ARHGEF17: variants seen among roughly 807,000 people sequenced by gnomAD.
ARHGEF17 encodes Rho guanine nucleotide exchange factor 17.
In ARHGEF17, 80 loss-of-function variants were observed where a neutral mutation model predicts 174.0. That is an observed-to-expected ratio of 0.46 (90% CI 0.38 to 0.55). ARHGEF17 has a LOEUF of 0.55. Ranked by LOEUF, ARHGEF17 falls within the 20% of genes least tolerant of loss-of-function variation. ARHGEF17 has a pLI of 0.00. For missense variants in ARHGEF17, 2,886 were observed against 2,839.7 expected, an observed-to-expected ratio of 1.02 and a Z score of -0.37; for synonymous variants, 1,311 against 1,189.1, an observed-to-expected ratio of 1.10 and a Z score of -2.11.
intron 1 of ARHGEF17, among the ~76,000 whole-genome samples, chr11:73,326,081 G>A (rs1040369430): frequency 6.6e-6 from 1 of 152,260 alleles, no homozygotes; most frequent in Non-Finnish European, 1.5e-5. Flanking sequence ...GCCCACTGGT[G>A]CCTGTATGTG....
At chr11:73,317,045 T>C (rs143835536) in intron 1 of ARHGEF17, among the ~76,000 whole-genome samples, 1 of 152,110 alleles carries the variant, frequency 6.6e-6, no homozygotes, top group African/African-American at 2.4e-5. Flanking sequence ...GGCTGGGCAG[T>C]GTGTGAGGGG....
intron 9 of ARHGEF17, among the ~76,000 whole-genome samples, chr11:73,359,525 C>A (rs1403466105): frequency 6.6e-6 from 1 of 152,262 alleles, no homozygotes; most frequent in Admixed American, 6.5e-5. Flanking sequence ...AGTTCCGTGT[C>A]AGCCAGGGCC....
intron 1 of ARHGEF17, among the ~76,000 whole-genome samples, chr11:73,329,804 A>G (rs568624072): frequency 4.1e-4 from 62 of 152,252 alleles, no homozygotes; most frequent in African/African-American, 1.4e-3. Context: ...TGCTGTTACA[A>G]ACTGCTGCAG....
Position 73,310,327 on chromosome 11 carries a change from T to A in ARHGEF17, c.1689T>A (p.Ala563=), listed in dbSNP as rs923103027. 1 of 1,613,714 alleles carries A rather than the reference T, an allele frequency of 6.2e-7. No individual in the cohort carries two copies. Among genetic ancestry groups the A allele is most frequent in the African/African-American group, 1.3e-5 (1 of 74,936 alleles). The change falls in exon 1 of 21, where the codon GCT becomes GCA. Residue 563 remains alanine (A), a synonymous_variant. Coordinates refer to ENST00000263674, the MANE Select transcript of ARHGEF17 (RefSeq NM_014786.4). ...CCCGCCGCCTGCCCCGCACCAGTGC[T>A]CTGAAGTCCAGCTCCTCCGAGCTCC... The part of the protein sequence containing the change: ...PMARRLPRTS[A]LKSSSSELLL...
chr11:73,342,335 T>C (rs542721760), intron 1 of ARHGEF17, among the ~76,000 whole-genome samples: 57 of 152,192 alleles, frequency 3.7e-4, no homozygotes, highest in Admixed American at 8.5e-4. Flanking sequence ...GAGTGATAGC[T>C]GCCCTCCTTC....
chr11:73,351,858 C>T (rs1428492281), intron 2 of ARHGEF17, among the ~76,000 whole-genome samples: 1 of 151,972 alleles, frequency 6.6e-6, no homozygotes, highest in African/African-American at 2.4e-5. Flanking sequence ...GCTGGGATTA[C>T]AGGCTTGAGC....
In ARHGEF17 at chr11:73,309,619, T is replaced by A. The variant is rs1167083277; in HGVS notation, c.981T>A (p.Pro327=). The change falls in exon 1 of 21, where the codon CCT becomes CCA. Residue 327 remains proline, a synonymous_variant. Coordinates refer to ENST00000263674, the MANE Select transcript of ARHGEF17 (RefSeq NM_014786.4). ...SMNSAGVSGS[P]EPPTSPRAPR... is the part of the protein sequence containing the mutation. ...ACTCAGCAGGGGTTTCTGGGAGCCC[T>A]GAGCCCCCAACATCTCCAAGAGCCC... is the stretch of plus-strand genomic sequence containing the variant. 1 of 1,613,072 alleles carries A rather than the reference T, an allele frequency of 6.2e-7. No individual in the cohort carries two copies. The highest frequency in any genetic ancestry group is 2.2e-5 in the East Asian group (1 of 44,878).
Position 73,309,460 on chromosome 11 carries a change from C to T in ARHGEF17, c.822C>T (p.Ser274=), listed in dbSNP as rs1367630431. Residue 274 remains serine (S), a synonymous_variant, in exon 1 of 21, where the codon TCC becomes TCT. Coordinates refer to ENST00000263674, the MANE Select transcript of ARHGEF17 (RefSeq NM_014786.4). ...AQSPAYHGGH[S]SGSDDDRDGE... ...GTCCGGCCTACCACGGCGGCCACTCCTCGGGCAGTGACGACGACCGAGACG... is the reference window on the plus strand; with the variant it reads ...GTCCGGCCTACCACGGCGGCCACTCTTCGGGCAGTGACGACGACCGAGACG... 3.9e-6 allele frequency: 6 copies of T among 1,543,202 alleles called. No individual in the cohort carries two copies. Among genetic ancestry groups the T allele is most frequent in the Non-Finnish European group, 5.2e-6 (6 of 1,143,516 alleles).
chr11:73,308,943 G>C lies in ARHGEF17; in HGVS notation c.305G>C (p.Arg102Pro). 1.5e-6 allele frequency: 2 copies of C among 1,361,176 alleles called. No homozygotes were observed. Among genetic ancestry groups the C allele is most frequent in the Non-Finnish European group, 1.9e-6 (2 of 1,062,710 alleles). The allele number at this position is 1,361,176 out of a possible 1,614,324, so 84.3% of individuals were successfully genotyped here. Residue 102 changes from arginine (R) to proline (P), a missense_variant, in exon 1 of 21, where the codon CGA (arginine) becomes CCA (proline). Physicochemically the swap from Arg to Pro is moderately radical, Grantham distance 103 (BLOSUM62 -2). This residue lies in a region of ARHGEF17 where 1,728 missense variants were observed against 1,461.2 expected (regional missense o/e 1.18). Transcript: ENST00000263674. Reference sequence around the variant, plus strand: ...CTGGACGACGGCTCCGCTGGGACCCGAGACGGAGGCGTCTTACCCGCGGCC... The same window carrying C: ...CTGGACGACGGCTCCGCTGGGACCCCAGACGGAGGCGTCTTACCCGCGGCC... ...PRLDDGSAGT[R>P]DGGVLPAAAE...
chr11:73,327,718 G>A (rs1252487855), intron 1 of ARHGEF17, among the ~76,000 whole-genome samples: 1 of 152,176 alleles, frequency 6.6e-6, no homozygotes, highest in East Asian at 1.9e-4. Flanking sequence ...CAGCCAGACC[G>A]TGGTAAAGGT....
At chr11:73,345,552 G>A (rs1223071554) in intron 1 of ARHGEF17, among the ~76,000 whole-genome samples, 1 of 152,122 alleles carries the variant, frequency 6.6e-6, no homozygotes, top group Non-Finnish European at 1.5e-5. Context: ...CCTGGGCTCA[G>A]GTCCACTAAA....
At chr11:73,356,030 C>G in intron 5 of ARHGEF17, 77 bp downstream of exon 5, 6 of 1,590,924 alleles carry the variant, frequency 3.8e-6, no homozygotes, top group Non-Finnish European at 5.2e-6. Flanking sequence ...AGGCCCCTGC[C>G]TCGTTGAGCC....
chr11:73,308,926 C>T lies in ARHGEF17; in HGVS notation c.288C>T (p.Asp96=). 2 of 1,364,014 alleles carry T rather than the reference C, an allele frequency of 1.5e-6. No homozygotes were observed. Among genetic ancestry groups the T allele is most frequent in the South Asian group, 1.7e-5 (1 of 57,764 alleles). The allele number at this position is 1,364,014 out of a possible 1,614,324, so 84.5% of individuals were successfully genotyped here. A position where few individuals can be genotyped will look rare whatever the true frequency, so the allele number is the denominator to read the frequency against. Reference sequence around the variant, plus strand: ...GCTTCGACGCGCCGCGTCTGGACGACGGCTCCGCTGGGACCCGAGACGGAG... The same window carrying T: ...GCTTCGACGCGCCGCGTCTGGACGATGGCTCCGCTGGGACCCGAGACGGAG... ...SRRFDAPRLD[D]GSAGTRDGGV... The change falls in exon 1 of 21, where the codon GAC becomes GAT. Residue 96 remains aspartate, a synonymous_variant. Coordinates refer to ENST00000263674, the MANE Select transcript of ARHGEF17 (RefSeq NM_014786.4).
intron 1 of ARHGEF17, among the ~76,000 whole-genome samples, chr11:73,329,363 ATATATATATATT>A (rs1865162457): frequency 8.9e-4 from 2 of 2,242 alleles, no homozygotes; most frequent in Non-Finnish European, 1.1e-3. Context: ...ATATATATAT[ATATATATATATT>A]TTTTTTTTTT....
chr11:73,340,094 C>T (rs1235514921), intron 1 of ARHGEF17, among the ~76,000 whole-genome samples: 3 of 152,200 alleles, frequency 2.0e-5, no homozygotes, highest in Non-Finnish European at 4.4e-5. Context: ...CCCCAACTGA[C>T]CTCATCCTGA....
Position 73,309,137 on chromosome 11 carries a change from C to G in ARHGEF17, c.499C>G (p.Gln167Glu). Residue 167 changes from glutamine to glutamate, a missense_variant, in exon 1 of 21, where the codon CAG becomes GAG. Around this residue, in one of 4 missense-constraint regions of ARHGEF17, gnomAD observed 1,728 missense variants for 1,461.2 expected, o/e 1.18. Transcript: ENST00000263674. ...GGAGCCTCCGGCTCGGGAGTCGCGG[C>G]AGCCACCGACGCCACCCCCTCGGAC... Reference protein sequence around the residue: ...AWEPPARESRQPPTPPPRTCF... With the variant: ...AWEPPARESREPPTPPPRTCF... 2 of 1,577,102 alleles carry G rather than the reference C, an allele frequency of 1.3e-6. No homozygotes were observed. The highest frequency in any genetic ancestry group is 1.4e-5 in the African/African-American group (1 of 72,006).
At chr11:73,316,053 G>A (rs1429645360) in intron 1 of ARHGEF17, among the ~76,000 whole-genome samples, 1 of 152,062 alleles carries the variant, frequency 6.6e-6, no homozygotes, top group Non-Finnish European at 1.5e-5. Flanking sequence ...AAGCCAACTC[G>A]AAGGGGCTTA....
intron 6 of ARHGEF17, 171 bp downstream of exon 6, chr11:73,356,522 C>G: frequency 2.7e-6 from 3 of 1,113,442 alleles, no homozygotes; most frequent in Non-Finnish European, 3.8e-6. Context: ...CTCCACCTGT[C>G]TGTTCTTCCA....
At chr11:73,332,349 C>CTGTGTG (rs1565194921) in intron 1 of ARHGEF17, among the ~76,000 whole-genome samples, 3 of 114,258 alleles carry the variant, frequency 2.6e-5, no homozygotes, top group African/African-American at 1.0e-4. Flanking sequence ...GGCTTTTTCT[C>CTGTGTG]CGTGTGTGTG....
Sources: allele counts gnomAD v4.1 joint callset (sites outside exome capture counted in the v4.1 genomes callset), GRCh38; gene constraint gnomAD v4.1.1; regional missense constraint gnomAD v4.1.1; transcripts MANE v1.5; gene names NCBI Gene and HGNC (gene_info 2026-07-23, HGNC 2026-07-21).